The following CTNND2 variants were observed in gnomAD, a reference collection of about 807,000 sequenced individuals.
The protein encoded by CTNND2 is catenin delta 2.
Under a neutral mutation model 144.4 loss-of-function variants are expected in CTNND2, and 22 were observed. That is an observed-to-expected ratio of 0.15 (90% confidence interval 0.11 to 0.22). The LOEUF is 0.22. Ranked by LOEUF, CTNND2 falls within the 10% of genes least tolerant of loss-of-function variation. CTNND2 has a pLI of 1.00. For synonymous variants in CTNND2, 751 were observed against 695.6 expected (o/e 1.08, Z -1.25); for missense variants, 1,353 against 1,618.8 (o/e 0.84, Z 2.82).
In CTNND2 at chr5:11,346,394, C is replaced by A; in HGVS notation, c.1606G>T (p.Asp536Tyr). ...CACCTGGGATCTTTCTGAATGCTAT[C>A]AATGGACGGGGACCTGGCCAAGGTG... ...EGTLARSPSI[D>Y]SIQKDPREFG... Residue 536 changes from aspartate (D) to tyrosine (Y), a missense_variant, in exon 9 of 22, where the codon GAT becomes TAT. Physicochemically the swap from Asp to Tyr is radical, Grantham distance 160. Around this residue, in one of 4 missense-constraint regions of CTNND2, gnomAD observed 69 missense variants for 120.3 expected, o/e 0.57. Coordinates refer to ENST00000304623, the MANE Select transcript of CTNND2 (RefSeq NM_001332.4). 1.3e-6 allele frequency: 2 copies of A among 1,485,430 alleles called. No individual in the cohort carries two copies. The highest frequency in any genetic ancestry group is 1.8e-6 in the Non-Finnish European group (2 of 1,113,744). 92.0% of individuals were successfully genotyped at this position (1,485,430 alleles called of 1,614,324 possible). A position where few individuals can be genotyped will look rare whatever the true frequency, so the allele number is the denominator to read the frequency against.
At chr5:11,149,607 G>A (rs1032711934) in intron 12 of CTNND2, among the ~76,000 whole-genome samples, 6 of 152,054 alleles carry the variant, frequency 3.9e-5, no homozygotes, top group African/African-American at 1.2e-4. Context: ...CTTGTTAATG[G>A]GGAGCGATGA....
rs765969569 is a variant in CTNND2, at chr5:11,639,228, A to T, written c.175-74172T>A. ...GTGCAGGACACCAAGCACAACAAGG[A>T]ATTCGCAAGTCCACAATGTCAATAA... On this transcript the variant is annotated intron_variant, in intron 2 of 21. Transcript: ENST00000304623. Among the ~76,000 whole-genome samples, 21 of 152,168 alleles carry T rather than the reference A, an allele frequency of 1.4e-4. 1 individual carries two copies. The highest frequency in any genetic ancestry group is 6.5e-5 in the Admixed American group (1 of 15,280).
chr5:11,644,566 C>T (rs959545928), intron 2 of CTNND2, among the ~76,000 whole-genome samples: 25 of 151,296 alleles, frequency 1.7e-4, no homozygotes, highest in Non-Finnish European at 3.2e-4. Context: ...CCCAGCTACT[C>T]GGGAGGCTGA....
chr5:11,885,006 C>A (rs898496926), intron 1 of CTNND2, among the ~76,000 whole-genome samples: 1 of 152,130 alleles, frequency 6.6e-6, no homozygotes, highest in Non-Finnish European at 1.5e-5. Context: ...TGGGATAAAT[C>A]TCACTTGATC....
chr5:11,275,448 G>A (rs1162589591), intron 9 of CTNND2, among the ~76,000 whole-genome samples: 1 of 152,190 alleles, frequency 6.6e-6, no homozygotes, highest in Non-Finnish European at 1.5e-5. Context: ...TGGAACAGAA[G>A]ACATCTGGGT....
At chr5:11,730,741 C>T (rs1345977504) in intron 2 of CTNND2, among the ~76,000 whole-genome samples, 1 of 152,172 alleles carries the variant, frequency 6.6e-6, no homozygotes, top group Non-Finnish European at 1.5e-5. Context: ...GAGGAGCATG[C>T]CATGCCTTTT....
intron 2 of CTNND2, among the ~76,000 whole-genome samples, chr5:11,611,368 C>T (rs908649227): frequency 6.6e-6 from 1 of 152,178 alleles, no homozygotes; most frequent in African/African-American, 2.4e-5. Flanking sequence ...AACAGCAAAA[C>T]CTGTCAAGTC....
At chr5:11,810,025 A>G (rs931662239) in intron 1 of CTNND2, among the ~76,000 whole-genome samples, 1 of 152,206 alleles carries the variant, frequency 6.6e-6, no homozygotes, top group Non-Finnish European at 1.5e-5. Context: ...TTACTTTTTA[A>G]TTATTGAGAA....
chr5:11,663,331 G>A (rs1783381993), intron 2 of CTNND2, among the ~76,000 whole-genome samples: 1 of 152,156 alleles, frequency 6.6e-6, no homozygotes, highest in Admixed American at 6.5e-5. Flanking sequence ...ATTCAATCAT[G>A]AAATTGAGTT....
At chr5:11,627,762 G>A (rs1781229722) in intron 2 of CTNND2, among the ~76,000 whole-genome samples, 1 of 150,764 alleles carries the variant, frequency 6.6e-6, no homozygotes, top group Admixed American at 6.7e-5. Flanking sequence ...TTTATTTGTA[G>A]TATTACATGC....
intron 1 of CTNND2, among the ~76,000 whole-genome samples, chr5:11,811,381 T>C (rs1792323991): frequency 6.6e-6 from 1 of 152,210 alleles, no homozygotes; most frequent in Admixed American, 6.5e-5. Context: ...CTGATTTCCC[T>C]GATTGAGTGT....
At position 11,763,732 on chromosome 5, in the gene CTNND2, G is replaced by A. The variant is rs181536356; in HGVS notation, c.38-31460C>T. On this transcript the variant is annotated intron_variant, in intron 1 of 21. Transcript: ENST00000304623. ...AACATCTTTACAAGGCACTTTTAGC[G>A]TCAAAAATGGATGATATGAGCTTCA... 2.5e-4 allele frequency among the ~76,000 whole-genome samples: 38 copies of A among 152,276 alleles called. No homozygotes were observed. The East Asian group carries it at 2.9e-3, about 12-fold the overall frequency.
intron 1 of CTNND2, among the ~76,000 whole-genome samples, chr5:11,765,010 C>T (rs867787731): frequency 6.6e-6 from 1 of 152,128 alleles, no homozygotes; most frequent in African/African-American, 2.4e-5. Context: ...AAAATCCATC[C>T]TCAATAAGTG....
intron 9 of CTNND2, among the ~76,000 whole-genome samples, chr5:11,308,229 T>A (rs1423571941): frequency 6.6e-6 from 1 of 152,164 alleles, no homozygotes; most frequent in Non-Finnish European, 1.5e-5. Flanking sequence ...AATTACTTTT[T>A]TTTTTTTTTA....
chr5:11,354,496 CA>C (rs541659230), intron 8 of CTNND2, among the ~76,000 whole-genome samples: 146 of 152,256 alleles, frequency 9.6e-4, no homozygotes, highest in Non-Finnish European at 1.7e-3. Flanking sequence ...TAAAAATAAG[CA>C]TTTCCATGTC....
At chr5:11,651,145 G>A (rs1782628238) in intron 2 of CTNND2, among the ~76,000 whole-genome samples, 2 of 152,220 alleles carry the variant, frequency 1.3e-5, no homozygotes, top group African/African-American at 2.4e-5. Flanking sequence ...CAGGCCCAGG[G>A]CCCCACCACT....
At chr5:11,860,032 A>T (rs1352008780) in intron 1 of CTNND2, among the ~76,000 whole-genome samples, 3 of 152,244 alleles carry the variant, frequency 2.0e-5, no homozygotes, top group Non-Finnish European at 4.4e-5. Flanking sequence ...ACTTTTTACA[A>T]CTGTCAATCA....
At chr5:11,307,004 G>A (rs553919554) in intron 9 of CTNND2, among the ~76,000 whole-genome samples, 1 of 152,242 alleles carries the variant, frequency 6.6e-6, no homozygotes, top group Non-Finnish European at 1.5e-5. Context: ...AACATCCTAG[G>A]GGTGCAGGTT....
chr5:11,708,391 TGTAA>T (rs749038655), intron 2 of CTNND2, among the ~76,000 whole-genome samples: 23 of 152,260 alleles, frequency 1.5e-4, no homozygotes, highest in South Asian at 6.2e-4. Flanking sequence ...AGTGAAAAGC[TGTAA>T]GTAAGAAAAG....
Sources: allele counts gnomAD v4.1 joint callset (sites outside exome capture counted in the v4.1 genomes callset), GRCh38; gene constraint gnomAD v4.1.1; regional missense constraint gnomAD v4.1.1; transcripts MANE v1.5; gene names NCBI Gene and HGNC (gene_info 2026-07-23, HGNC 2026-07-21).